MYO10: variants seen among roughly 807,000 people sequenced by gnomAD.
The protein encoded by MYO10 is myosin X.
Under a neutral mutation model 257.3 loss-of-function variants are expected in MYO10, and 133 were observed. The observed-to-expected ratio is 0.52, with a 90% CI of 0.45 to 0.60. The LOEUF is 0.60. Among genes scored for constraint, MYO10 ranks in the 20% least tolerant of loss-of-function variants. The probability of loss-of-function intolerance (pLI) is 0.00; values close to 1 mark genes in which losing one functional copy is unlikely to be tolerated. For missense variants in MYO10, 2,399 were observed against 2,635.7 expected, an observed-to-expected ratio of 0.91 and a Z score of 1.97; for synonymous variants, 1,104 against 1,028.6, an observed-to-expected ratio of 1.07 and a Z score of -1.40.
intron 2 of MYO10, among the ~76,000 whole-genome samples, chr5:16,818,381 CGT>C (rs66684462): frequency 0.053 from 7,077 of 133,914 alleles, 280 homozygotes; most frequent in East Asian, 0.17. Context: ...TGTGTGTGTG[CGT>C]GTGTGTGTGT....
At position 16,673,882 on chromosome 5, in the gene MYO10, C is replaced by T. The variant is rs1736594690; in HGVS notation, c.4972G>A (p.Glu1658Lys). The change falls in exon 36 of 41, where the codon GAA becomes AAA. Residue 1658 changes from glutamate (E) to lysine (K), a missense_variant. Physicochemically the swap from Glu to Lys is moderately conservative, Grantham distance 56 (BLOSUM62 1). Around this residue, in one of 3 missense-constraint regions of MYO10, gnomAD observed 1,820 missense variants for 1,939.4 expected, o/e 0.94. Transcript: ENST00000513610. ...YLKFHLKRIR[E>K]QFPGSEMEKY... is the part of the protein sequence containing the mutation. ...TCCATCTCGCTTCCTGGAAACTGTT[C>T]CCGTATCCTAGGAGGCAAACACTAA... 6.2e-7 allele frequency: 1 copy of T among 1,613,756 alleles called. No individual in the cohort carries two copies. Among genetic ancestry groups the T allele is most frequent in the Non-Finnish European group, 8.5e-7 (1 of 1,179,792 alleles).
chr5:16,735,835 G>C (rs1479782250), intron 19 of MYO10, among the ~76,000 whole-genome samples: 1 of 152,118 alleles, frequency 6.6e-6, no homozygotes, highest in Non-Finnish European at 1.5e-5. Context: ...GCTGGTCTGT[G>C]ACACAGTAAC....
intron 9 of MYO10, among the ~76,000 whole-genome samples, chr5:16,774,063 CA>C (rs1741140137): frequency 6.6e-6 from 1 of 152,206 alleles, no homozygotes; most frequent in Admixed American, 6.5e-5. Context: ...ACCCCTTTGA[CA>C]AGAGTAGCCA....
rs76842240 is a variant in MYO10 at position 16,756,524 on chromosome 5, T to C, written c.1848+1594A>G. Among the ~76,000 whole-genome samples the C allele has an allele frequency of 2.9e-4, 44 of 152,338 alleles. No individual in the cohort carries two copies. In the East Asian group the frequency reaches 8.3e-3, roughly 29 times the overall value. ...AATCTTGTTGAAGAAAACTGAACTG[T>C]CTGAACACTACATGGATTAATTACT... On this transcript the variant is annotated intron_variant, in intron 18 of 40. Transcript: ENST00000513610.
intron 3 of MYO10, among the ~76,000 whole-genome samples, chr5:16,795,079 C>T (rs893084351): frequency 4.0e-5 from 6 of 151,180 alleles, no homozygotes; most frequent in African/African-American, 9.9e-5. Flanking sequence ...AGGCCCAGTC[C>T]CTGCTCCCCA....
Position 16,666,310 on chromosome 5 carries a change from T to G in MYO10, c.*382A>C, listed in dbSNP as rs1736165423. 1 of 174,336 alleles carries G rather than the reference T, an allele frequency of 5.7e-6. No homozygotes were observed. Among genetic ancestry groups the G allele is most frequent in the South Asian group, 1.9e-4 (1 of 5,218 alleles). 10.8% of individuals were successfully genotyped at this position (174,336 alleles called of 1,614,324 possible). On this transcript the variant is annotated 3_prime_UTR_variant, in exon 41 of 41. Transcript: ENST00000513610. ...GACAGAGAATGCCCCCCTTCCACGC[T>G]CTGTTAAGTCTCCCCCAGAAGGGGG...
rs189952681 is a variant in MYO10, at chr5:16,874,669, T to A, written c.120+2940A>T. ...CTGGATTTCATCATCCATATTTTTA[T>A]CAGTATTTCTGTCAATGCTATTCAA... On this transcript the variant is annotated intron_variant, in intron 2 of 40. Transcript: ENST00000513610. Among the ~76,000 whole-genome samples the A allele has an allele frequency of 1.1e-3, 161 of 152,310 alleles. 1 individual carries two copies. Among genetic ancestry groups the A allele is most frequent in the African/African-American group, 3.7e-3 (153 of 41,576 alleles).
In MYO10 at chr5:16,871,269, G is replaced by T. The variant is rs969019131; in HGVS notation, c.120+6340C>A. The stretch of plus-strand genomic sequence containing the variant: ...TTTCCTTTAAAGTAACCAAGGACAG[G>T]CTTGATCAAGGACAAGACCATGCTC... On this transcript the variant is annotated intron_variant, in intron 2 of 40. Transcript: ENST00000513610. Among the ~76,000 whole-genome samples the T allele has an allele frequency of 5.3e-5, 8 of 152,142 alleles. 1 individual carries two copies. Among genetic ancestry groups the T allele is most frequent in the Admixed American group, 4.6e-4 (7 of 15,266 alleles).
chr5:16,859,582 C>CA (rs1334630352), intron 2 of MYO10, among the ~76,000 whole-genome samples: 1 of 151,826 alleles, frequency 6.6e-6, no homozygotes, highest in Non-Finnish European at 1.5e-5. Flanking sequence ...CCCATCTCTA[C>CA]AAAAAAGTTG....
chr5:16,816,542 T>C (rs1004347077), intron 3 of MYO10, among the ~76,000 whole-genome samples: 7 of 151,478 alleles, frequency 4.6e-5, no homozygotes, highest in African/African-American at 1.7e-4. Flanking sequence ...TTTTTCTTTT[T>C]TTTTTTTTTG....
At chr5:16,809,227 T>C (rs1331996445) in intron 3 of MYO10, among the ~76,000 whole-genome samples, 1 of 150,998 alleles carries the variant, frequency 6.6e-6, no homozygotes. Flanking sequence ...GCCCCAAGTG[T>C]GTTCAAACTG....
intron 1 of MYO10, among the ~76,000 whole-genome samples, chr5:16,880,290 C>A (rs976046850): frequency 1.3e-5 from 2 of 152,094 alleles, no homozygotes; most frequent in Non-Finnish European, 1.5e-5. Flanking sequence ...CTGGGGCGGG[C>A]CAACAGGAAT....
At chr5:16,676,349 TTTC>T (rs1284485433) in intron 33 of MYO10, among the ~76,000 whole-genome samples, 195 bp from the exon 34 acceptor site, 1 of 152,230 alleles carries the variant, frequency 6.6e-6, no homozygotes, top group African/African-American at 2.4e-5. Flanking sequence ...TTACAGCTCA[TTTC>T]TTATTTTCTC....
intron 19 of MYO10, among the ~76,000 whole-genome samples, chr5:16,725,192 T>C (rs990034778): frequency 1.3e-5 from 2 of 148,400 alleles, no homozygotes; most frequent in African/African-American, 4.9e-5. Context: ...GTTCAAGCGA[T>C]TCTCCTGCCT....
At chr5:16,885,582 G>A (rs1436271237) in intron 1 of MYO10, among the ~76,000 whole-genome samples, 1 of 151,520 alleles carries the variant, frequency 6.6e-6, no homozygotes, top group East Asian at 2.0e-4. Context: ...CTGGGCAGGA[G>A]AATCACTTGA....
At chr5:16,732,414 C>A (rs544636323) in intron 19 of MYO10, among the ~76,000 whole-genome samples, 1 of 152,298 alleles carries the variant, frequency 6.6e-6, no homozygotes, top group South Asian at 2.1e-4. Flanking sequence ...GTGAACCTAA[C>A]GAAACCTTTT....
At chr5:16,668,875 T>A (rs1736302282) in intron 39 of MYO10, among the ~76,000 whole-genome samples, 1 of 152,122 alleles carries the variant, frequency 6.6e-6, no homozygotes, top group South Asian at 2.1e-4. Flanking sequence ...CCTCCAATCC[T>A]CTTTGCGGAT....
rs544416847 is a variant in MYO10, at chr5:16,740,691, G to A, written c.1929+14137C>T. Among the ~76,000 whole-genome samples the A allele has an allele frequency of 2.0e-5, 3 of 152,168 alleles. No homozygotes were observed. The South Asian group carries it at 6.2e-4, about 32-fold the overall frequency. The stretch of plus-strand genomic sequence containing the variant: ...TGTATTCCATCATTCCAGCCCTCTC[G>A]CAAGCAGCAATGCGGTTCCGGACCT... On this transcript the variant is annotated intron_variant, in intron 19 of 40. Coordinates refer to ENST00000513610, the MANE Select transcript of MYO10 (RefSeq NM_012334.3).
chr5:16,742,037 T>A, intron 19 of MYO10: 1 of 985,388 alleles, frequency 1.0e-6, no homozygotes, highest in Non-Finnish European at 1.2e-6. Flanking sequence ...CTGAAGACAC[T>A]TTTGACTGCA....
Sources: allele counts gnomAD v4.1 joint callset (sites outside exome capture counted in the v4.1 genomes callset), GRCh38; gene constraint gnomAD v4.1.1; regional missense constraint gnomAD v4.1.1; transcripts MANE v1.5; gene names NCBI Gene and HGNC (gene_info 2026-07-23, HGNC 2026-07-21).